The following TRDN variants were observed in gnomAD, a reference collection of about 807,000 sequenced individuals.
The protein encoded by TRDN is triadin.
A neutral mutation model predicts 149.7 loss-of-function variants in TRDN; 161 were observed. The ratio of observed to expected loss-of-function variants is 1.08; its 90% confidence interval spans 0.95 to 1.23. The LOEUF is 1.23. TRDN is among the 50% of genes most tolerant of loss of function. The pLI is 0.00. For synonymous variants in TRDN, 294 were observed against 250.5 expected (o/e 1.17, Z -1.64); for missense variants, 896 against 823.5 (o/e 1.09, Z -1.08).
At chr6:123,629,954 T>C (rs1169996076) in intron 1 of TRDN, among the ~76,000 whole-genome samples, 1 of 152,046 alleles carries the variant, frequency 6.6e-6, no homozygotes, top group Non-Finnish European at 1.5e-5. Flanking sequence ...GGGTAATATA[T>C]ATTTACATGA....
intron 8 of TRDN, chr6:123,503,059 T>A (rs1183344415): frequency 5.5e-5 from 54 of 985,170 alleles, no homozygotes; most frequent in Non-Finnish European, 6.1e-5. Context: ...AGTGATATAT[T>A]TTTGCAAAGT....
intron 2 of TRDN, among the ~76,000 whole-genome samples, chr6:123,567,645 G>A (rs1174732224): frequency 6.6e-6 from 1 of 151,902 alleles, no homozygotes; most frequent in Non-Finnish European, 1.5e-5. Flanking sequence ...GGGGGGCGGG[G>A]GAGGTGCCAC....
chr6:123,259,737 G>C, intron 34 of TRDN, 75 bp from the exon 35 acceptor site: 2 of 1,060,796 alleles, frequency 1.9e-6, no homozygotes, highest in Non-Finnish European at 2.7e-6. Flanking sequence ...GGAGTAAACA[G>C]TTGGAGATGA....
chr6:123,222,114 A>G (rs776386590), intron 39 of TRDN, among the ~76,000 whole-genome samples: 1 of 151,722 alleles, frequency 6.6e-6, no homozygotes, highest in South Asian at 2.1e-4. Context: ...TCTTCCGATT[A>G]GAAGTTCTTA....
At chr6:123,455,678 T>C (rs1280803096) in intron 10 of TRDN, among the ~76,000 whole-genome samples, 3 of 152,144 alleles carry the variant, frequency 2.0e-5, no homozygotes, top group African/African-American at 7.2e-5. Context: ...TTTTGGAAAT[T>C]CCTAAAAAAC....
At chr6:123,448,101 C>G (rs911356304) in intron 10 of TRDN, among the ~76,000 whole-genome samples, 2 of 152,168 alleles carry the variant, frequency 1.3e-5, no homozygotes, top group African/African-American at 4.8e-5. Context: ...CGCTGGGTCC[C>G]CTAGCAGGCC....
intron 31 of TRDN, 57 bp downstream of exon 31, chr6:123,269,792 G>A (rs1777143505): frequency 1.9e-6 from 3 of 1,575,368 alleles, no homozygotes; most frequent in Admixed American, 3.5e-5. Flanking sequence ...AAGCAAAATT[G>A]TTAAAGCTGA....
At chr6:123,273,673 T>C (rs1270439633) in intron 27 of TRDN, among the ~76,000 whole-genome samples, 1 of 152,058 alleles carries the variant, frequency 6.6e-6, no homozygotes, top group Non-Finnish European at 1.5e-5. Context: ...CAAGAGCAAC[T>C]ATATTCAAGC....
chr6:123,420,705 G>T (rs925179950), intron 12 of TRDN, among the ~76,000 whole-genome samples: 1 of 152,128 alleles, frequency 6.6e-6, no homozygotes, highest in Non-Finnish European at 1.5e-5. Context: ...TATTCAATGG[G>T]TGGATTCAGC....
intron 2 of TRDN, among the ~76,000 whole-genome samples, chr6:123,556,569 T>A (rs960225544): frequency 3.8e-4 from 57 of 150,790 alleles, no homozygotes; most frequent in Admixed American, 3.5e-3. Context: ...AGTCTCTCTT[T>A]CTCTATTTCC....
chr6:123,297,751 C>T (rs527340376), intron 24 of TRDN, among the ~76,000 whole-genome samples: 52 of 152,104 alleles, frequency 3.4e-4, no homozygotes, highest in African/African-American at 1.3e-3. Flanking sequence ...ACAAATTTCT[C>T]TTGAAAATAT....
intron 40 of TRDN, among the ~76,000 whole-genome samples, chr6:123,219,235 G>T (rs1775054843): frequency 1.3e-5 from 2 of 151,826 alleles, no homozygotes; most frequent in South Asian, 4.1e-4. Context: ...GCTTTCCTAA[G>T]GTGGCTTGGT....
At chr6:123,317,331 C>T (rs1267507761) in intron 23 of TRDN, among the ~76,000 whole-genome samples, 1 of 151,840 alleles carries the variant, frequency 6.6e-6, no homozygotes, top group Non-Finnish European at 1.5e-5. Flanking sequence ...GCAGAAAAAA[C>T]TGACTTCATA....
At chr6:123,301,771 A>ATATATATATATATATACG (rs1562252294) in intron 24 of TRDN, among the ~76,000 whole-genome samples, 65 of 82,306 alleles carry the variant, frequency 7.9e-4, no homozygotes, top group African/African-American at 2.3e-3. Flanking sequence ...ATATATATAC[A>ATATATATATATATATACG]TATATATATA....
intron 14 of TRDN, among the ~76,000 whole-genome samples, chr6:123,386,096 C>T (rs1417905158): frequency 6.6e-6 from 1 of 152,092 alleles, no homozygotes; most frequent in Non-Finnish European, 1.5e-5. Context: ...ATGTGCTCAT[C>T]CTCCATAAGG....
At chr6:123,364,560 A>G (rs1781018661) in intron 20 of TRDN, among the ~76,000 whole-genome samples, 1 of 152,166 alleles carries the variant, frequency 6.6e-6, no homozygotes, top group African/African-American at 2.4e-5. Context: ...TTGCTTGAGA[A>G]TTGCTTGAAC....
At chr6:123,497,395 C>T in intron 8 of TRDN, 143 bp from the exon 9 acceptor site, 2 of 516,964 alleles carry the variant, frequency 3.9e-6, no homozygotes, top group Non-Finnish European at 6.6e-6. Context: ...AAATAATTTG[C>T]ACTTATATGA....
chr6:123,346,478 G>T (rs1780250401), intron 21 of TRDN, among the ~76,000 whole-genome samples: 1 of 151,802 alleles, frequency 6.6e-6, no homozygotes, highest in Non-Finnish European at 1.5e-5. Context: ...TCTTTGTGAT[G>T]GATATGTACA....
intron 18 of TRDN, among the ~76,000 whole-genome samples, chr6:123,376,259 G>T (rs1781499835): frequency 6.6e-6 from 1 of 152,128 alleles, no homozygotes; most frequent in African/African-American, 2.4e-5. Flanking sequence ...TAAGTGAGAA[G>T]ATGTGTTATG....
Sources: gnomAD v4.1 joint callset for allele counts (sites outside exome capture counted in the v4.1 genomes callset) on GRCh38, gnomAD v4.1.1 for gene constraint, MANE v1.5 for transcripts, NCBI Gene and HGNC (gene_info 2026-07-23, HGNC 2026-07-21) for gene names.